The following TLE2 variants were observed in gnomAD, a reference collection of about 807,000 sequenced individuals.
TLE2 encodes TLE family member 2, transcriptional corepressor.
Under a neutral mutation model 97.2 loss-of-function variants are expected in TLE2, and 74 were observed. The ratio of observed to expected loss-of-function variants is 0.76; its 90% CI spans 0.63 to 0.92. The LOEUF is 0.92. Among genes scored for constraint, TLE2 ranks in the 40% least tolerant of loss-of-function variants. The pLI is 0.00. For synonymous variants in TLE2, 499 were observed against 432.1 expected, an observed-to-expected ratio of 1.15 and a Z score of -1.92; for missense variants, 1,038 against 1,008.7, an observed-to-expected ratio of 1.03 and a Z score of -0.39.
At chr19:3,016,589 CAAAA>C (rs10603560) in intron 8 of TLE2, among the ~76,000 whole-genome samples, 5 of 106,720 alleles carry the variant, frequency 4.7e-5, no homozygotes, top group Non-Finnish European at 4.0e-5. Flanking sequence ...GACTCAGTCT[CAAAA>C]AAAAAAAAAA....
At chr19:3,039,937 A>G (rs1002395434) in intron 1 of TLE2, among the ~76,000 whole-genome samples, 1 of 152,060 alleles carries the variant, frequency 6.6e-6, no homozygotes, top group East Asian at 1.9e-4. Context: ...AATTATAGAA[A>G]CGTCTCATTG....
At chr19:3,005,288 G>A (rs1202030877) in intron 17 of TLE2, 149 bp downstream of exon 17, 2 of 1,091,500 alleles carry the variant, frequency 1.8e-6, no homozygotes, top group African/African-American at 1.6e-5. Flanking sequence ...GGAAGCCTGT[G>A]GATGTGTCTG....
At chr19:3,027,455 C>T (rs1342494994) in intron 4 of TLE2, among the ~76,000 whole-genome samples, 1 of 152,196 alleles carries the variant, frequency 6.6e-6, no homozygotes, top group Non-Finnish European at 1.5e-5. Flanking sequence ...TTGAAAGGGA[C>T]CTCTAAGAGT....
chr19:2,998,300 C>T (rs1273389409), intron 19 of TLE2, among the ~76,000 whole-genome samples: 1 of 132,144 alleles, frequency 7.6e-6, no homozygotes, highest in African/African-American at 3.0e-5. Flanking sequence ...TTTTGTGAGA[C>T]AGGGTCTAAC....
chr19:3,011,017 C>T lies in TLE2; in HGVS notation c.1012+5G>A. ...CAGACAGGCACCAACAGGCAAGGTG[C>T]TCACCGACGCTGTCCGTGGAAGGTG... On this transcript the variant is annotated splice_donor_5th_base_variant and intron_variant, in intron 12 of 19. Coordinates refer to ENST00000262953, the MANE Select transcript of TLE2 (RefSeq NM_003260.5). 1 of 1,601,592 alleles carries T rather than the reference C, an allele frequency of 6.2e-7. No homozygotes were observed. Among genetic ancestry groups the T allele is most frequent in the South Asian group, 1.1e-5 (1 of 89,126 alleles).
exon 1 of TLE2, chr19:3,045,779 A>G (rs1187521358): frequency 2.3e-6 from 1 of 435,392 alleles, no homozygotes; most frequent in Non-Finnish European, 4.7e-6. Flanking sequence ...GTGAGCCGTG[A>G]TTGCACCATT....
intron 14 of TLE2, among the ~76,000 whole-genome samples, chr19:3,007,382 G>A (rs1037388277): frequency 1.3e-5 from 2 of 152,160 alleles, no homozygotes; most frequent in African/African-American, 4.8e-5. Flanking sequence ...GAGCCACCGG[G>A]CCCAGCCTCT....
chr19:3,045,418 A>T (rs747488858), intron 1 of TLE2, among the ~76,000 whole-genome samples: 2 of 152,168 alleles, frequency 1.3e-5, no homozygotes, highest in Non-Finnish European at 2.9e-5. Flanking sequence ...GCCCTGCCTC[A>T]GCCAATCCTG....
intron 9 of TLE2, 44 bp downstream of exon 9, chr19:3,015,609 G>C (rs1163067999): frequency 1.3e-6 from 2 of 1,503,030 alleles, no homozygotes. Context: ...AGGCTGGTCT[G>C]GGCCATGCAC....
intron 15 of TLE2, 193 bp from the exon 16 acceptor site, chr19:3,006,161 C>G: frequency 4.2e-6 from 4 of 944,758 alleles, no homozygotes; most frequent in Non-Finnish European, 6.9e-6. Flanking sequence ...AAGCTCCATC[C>G]TTTACCTATA....
At chr19:3,035,136 G>A (rs541922245) in intron 1 of TLE2, among the ~76,000 whole-genome samples, 2 of 152,290 alleles carry the variant, frequency 1.3e-5, no homozygotes, top group South Asian at 4.1e-4. Context: ...GATCCGCCAG[G>A]AAGGAGGAGT....
At chr19:3,046,205 T>C (rs1222383005), upstream of TLE2, among the ~76,000 whole-genome samples, 1 of 152,190 alleles carries the variant, frequency 6.6e-6, no homozygotes, top group African/African-American at 2.4e-5. Flanking sequence ...ATCTGCACCA[T>C]GGGAAGAGAG....
intron 4 of TLE2, among the ~76,000 whole-genome samples, chr19:3,026,642 C>G (rs1315489844): frequency 6.9e-6 from 1 of 143,910 alleles, no homozygotes; most frequent in Non-Finnish European, 1.5e-5. Flanking sequence ...TGAACCCTGT[C>G]TATCTCAGAA....
At chr19:3,026,455 TAAAAAAAAAA>T (rs34783402) in intron 4 of TLE2, among the ~76,000 whole-genome samples, 1 of 111,320 alleles carries the variant, frequency 9.0e-6, no homozygotes, top group Non-Finnish European at 1.9e-5. Context: ...TCTCAAAATT[TAAAAAAAAAA>T]AAAAAAAAAA....
intron 9 of TLE2, 124 bp from the exon 10 acceptor site, chr19:3,014,738 C>T: frequency 1.1e-6 from 1 of 894,054 alleles, no homozygotes; most frequent in Admixed American, 3.4e-5. Flanking sequence ...GATTCTCAGA[C>T]CACTGCACCC....
chr19:3,025,003 C>T lies in TLE2; in HGVS notation c.294+17G>A, dbSNP rs774629815. 1.9e-5 allele frequency: 30 copies of T among 1,578,878 alleles called. 1 individual carries two copies. The South Asian group carries it at 3.4e-4, about 18-fold the overall frequency. On this transcript the variant is annotated intron_variant, in intron 5 of 19. Transcript: ENST00000262953. ...CGGCTCCCTTCCCCTCCTCCCCCCA[C>T]CCCCAGGCCCACTCACCTCCTGGGT...
At chr19:3,028,225 G>A (rs527594526) in intron 3 of TLE2, 94 bp downstream of exon 3, 196 of 1,292,410 alleles carry the variant, frequency 1.5e-4, no homozygotes, top group Non-Finnish European at 2.0e-4. Context: ...GGGAAGACGA[G>A]GTTCGGAGTG....
At chr19:3,024,345 C>T (rs1268996135) in intron 5 of TLE2, among the ~76,000 whole-genome samples, 1 of 151,988 alleles carries the variant, frequency 6.6e-6, no homozygotes, top group East Asian at 1.9e-4. Context: ...GTGCACAGCT[C>T]AGCAGCATAA....
At chr19:3,020,769 C>G (rs1435461894) in intron 5 of TLE2, among the ~76,000 whole-genome samples, 1 of 152,064 alleles carries the variant, frequency 6.6e-6, no homozygotes, top group Non-Finnish European at 1.5e-5. Flanking sequence ...GCTTTCAGAG[C>G]TGTGGGACTC....
Sources: gnomAD v4.1 joint callset for allele counts (sites outside exome capture counted in the v4.1 genomes callset) on GRCh38, gnomAD v4.1.1 for gene constraint, MANE v1.5 for transcripts, NCBI Gene and HGNC (gene_info 2026-07-23, HGNC 2026-07-21) for gene names.